Variants in XYLT1 observed in about 807,000 individuals in gnomAD.
The protein encoded by XYLT1 is xylosyltransferase 1, also known as beta-D-xylosyltransferase 1.
Under a neutral mutation model 91.3 loss-of-function variants are expected in XYLT1, and 36 were observed. That is an observed-to-expected ratio of 0.39 (90% CI 0.30 to 0.52). The LOEUF is 0.52. Ranked by LOEUF, XYLT1 falls within the 20% of genes least tolerant of loss-of-function variation. The pLI is 0.68. For synonymous variants in XYLT1, 588 were observed against 532.0 expected, an observed-to-expected ratio of 1.11 and a Z score of -1.45; for missense variants, 1,242 against 1,284.5, an observed-to-expected ratio of 0.97 and a Z score of 0.51.
intron 1 of XYLT1, among the ~76,000 whole-genome samples, chr16:17,403,660 C>A (rs904104594): frequency 6.6e-6 from 1 of 152,184 alleles, no homozygotes; most frequent in African/African-American, 2.4e-5. Flanking sequence ...CCTCCCACAA[C>A]ACGTGGGGGA....
intron 3 of XYLT1, among the ~76,000 whole-genome samples, chr16:17,220,329 A>G (rs1006719089): frequency 6.6e-6 from 1 of 152,094 alleles, no homozygotes. Context: ...AAAAAATATG[A>G]GCACAATTGA....
intron 6 of XYLT1, among the ~76,000 whole-genome samples, chr16:17,157,462 C>T (rs1477883272): frequency 6.6e-6 from 1 of 152,154 alleles, no homozygotes; most frequent in African/African-American, 2.4e-5. Context: ...ACCTAAGATC[C>T]AGGAAATAAC....
chr16:17,137,780 C>A (rs73531323), intron 8 of XYLT1, among the ~76,000 whole-genome samples: 1,864 of 151,862 alleles, frequency 0.012, 38 homozygotes, highest in African/African-American at 0.042. Context: ...GTTTCCAAAC[C>A]TGGCTGCTCC....
At position 17,380,155 on chromosome 16, in the gene XYLT1, G is replaced by A. The variant is rs2035661138; in HGVS notation, c.364-22105C>T. Reference sequence around the variant, plus strand: ...ACACAAAAATTAGCTAGGCATGGTGGTGCACACCTGTAATCCCAGCTATTC... The same window carrying A: ...ACACAAAAATTAGCTAGGCATGGTGATGCACACCTGTAATCCCAGCTATTC... On this transcript the variant is annotated intron_variant, in intron 1 of 11. Coordinates refer to ENST00000261381, the MANE Select transcript of XYLT1 (RefSeq NM_022166.4). 3.3e-5 allele frequency among the ~76,000 whole-genome samples: 5 copies of A among 152,206 alleles called. No homozygotes were observed. In the South Asian group the frequency reaches 1.0e-3, roughly 32 times the overall value.
intron 3 of XYLT1, among the ~76,000 whole-genome samples, chr16:17,240,904 T>C (rs962575081): frequency 6.6e-6 from 1 of 152,174 alleles, no homozygotes; most frequent in Non-Finnish European, 1.5e-5. Context: ...TAGCTGTTGG[T>C]AGACCCAGGA....
chr16:17,162,225 T>G (rs2031572373), intron 5 of XYLT1, among the ~76,000 whole-genome samples: 1 of 151,830 alleles, frequency 6.6e-6, no homozygotes, highest in African/African-American at 2.4e-5. Context: ...CCGGCCAACA[T>G]GATGAAACCC....
chr16:17,102,068 A>G lies in XYLT1; in HGVS notation c.*6627T>C, dbSNP rs185013198. 4 of 152,336 alleles carry G rather than the reference A, an allele frequency of 2.6e-5. No homozygotes were observed. The highest frequency in any genetic ancestry group is 9.6e-5 in the African/African-American group (4 of 41,572). The allele number at this position is 152,336 out of a possible 1,614,324, so 9.4% of individuals were successfully genotyped here. ...GAGGTACTTATAGGAGGTTGTTGCT[A>G]TAATCCAGTTAGAAGATGACAGCAG... On this transcript the variant is annotated 3_prime_UTR_variant, in exon 12 of 12. Coordinates refer to ENST00000261381, the MANE Select transcript of XYLT1 (RefSeq NM_022166.4).
At chr16:17,177,499 T>C (rs1379920208) in intron 5 of XYLT1, among the ~76,000 whole-genome samples, 3 of 152,252 alleles carry the variant, frequency 2.0e-5, no homozygotes, top group Non-Finnish European at 4.4e-5. Context: ...TTAATGGTTC[T>C]ATTGGTGTCT....
In XYLT1 at chr16:17,187,791, T is replaced by A. The variant is rs190388714; in HGVS notation, c.1289+10421A>T. Among the ~76,000 whole-genome samples the A allele has an allele frequency of 3.6e-3, 539 of 150,910 alleles. 5 individuals are homozygous for A. Among genetic ancestry groups the A allele is most frequent in the African/African-American group, 0.013 (522 of 41,134 alleles). On this transcript the variant is annotated intron_variant, in intron 5 of 11. Coordinates refer to ENST00000261381, the MANE Select transcript of XYLT1 (RefSeq NM_022166.4). The stretch of plus-strand genomic sequence containing the variant: ...TCATTCTCACCATATTTTATCACTT[T>A]AAAAAAAAAGAACAAAAGACAAAGA...
rs1304691199 is a variant in XYLT1, at chr16:17,134,867, CTCTGTGTTCTCAGTTTCAACA to C, written c.1765-153_1765-133del. 5.7e-6 allele frequency: 6 copies of C among 1,051,526 alleles called. No homozygotes were observed. The Admixed American group carries it at 9.2e-5, about 16-fold the overall frequency. The allele number at this position is 1,051,526 out of a possible 1,614,324, so 65.1% of individuals were successfully genotyped here. The stretch of plus-strand genomic sequence containing the variant: ...GAATTAGCTCCGATACTTTTTGCAC[CTCTGTGTTCTCAGTTTCAACA>C]TCTGTAAAATGGGTTATAATAAGGG... On this transcript the variant is annotated intron_variant, in intron 8 of 11. Transcript: ENST00000261381.
At chr16:17,329,744 T>G (rs2034867617) in intron 2 of XYLT1, among the ~76,000 whole-genome samples, 1 of 150,046 alleles carries the variant, frequency 6.7e-6, no homozygotes, top group Non-Finnish European at 1.5e-5. Context: ...CATGCCCACT[T>G]GGAAATCTAC....
At chr16:17,423,095 A>G (rs572410045) in intron 1 of XYLT1, among the ~76,000 whole-genome samples, 1 of 151,982 alleles carries the variant, frequency 6.6e-6, no homozygotes, top group African/African-American at 2.4e-5. Context: ...CAATGTGATT[A>G]TCGTTGCCAG....
intron 10 of XYLT1, among the ~76,000 whole-genome samples, chr16:17,118,732 C>G (rs2029946024): frequency 1.3e-5 from 2 of 152,112 alleles, no homozygotes; most frequent in Non-Finnish European, 2.9e-5. Context: ...GTAAAATGTC[C>G]TCTTACTGCT....
intron 2 of XYLT1, among the ~76,000 whole-genome samples, chr16:17,307,500 T>A (rs983319068): frequency 4.6e-5 from 7 of 152,254 alleles, no homozygotes; most frequent in Non-Finnish European, 8.8e-5. Context: ...TTAAATCAAA[T>A]GTGCTTGGGT....
chr16:17,222,146 A>G (rs1208434406), intron 3 of XYLT1, among the ~76,000 whole-genome samples: 1 of 152,196 alleles, frequency 6.6e-6, no homozygotes, highest in East Asian at 1.9e-4. Context: ...CGACCCAGAT[A>G]CCTGGGAGTT....
intron 8 of XYLT1, 124 bp downstream of exon 8, chr16:17,138,231 A>G: frequency 2.7e-6 from 2 of 731,802 alleles, no homozygotes; most frequent in Non-Finnish European, 1.9e-6. Flanking sequence ...ACTATTATTA[A>G]TTATCAACAG....
intron 2 of XYLT1, among the ~76,000 whole-genome samples, chr16:17,290,967 C>T (rs1231804919): frequency 1.3e-5 from 2 of 152,208 alleles, no homozygotes; most frequent in Non-Finnish European, 2.9e-5. Flanking sequence ...GAGACACGGT[C>T]TCTGTCACCC....
intron 2 of XYLT1, among the ~76,000 whole-genome samples, chr16:17,306,789 A>T (rs898126025): frequency 1.3e-5 from 2 of 152,152 alleles, no homozygotes; most frequent in Non-Finnish European, 2.9e-5. Flanking sequence ...TCCCCTTGGG[A>T]ATTTTGAGTT....
At chr16:17,220,954 T>C (rs114370023) in intron 3 of XYLT1, among the ~76,000 whole-genome samples, 253 of 152,270 alleles carry the variant, frequency 1.7e-3, no homozygotes, top group African/African-American at 5.1e-3. Context: ...TGTGGAAAGA[T>C]TGGCTTTCTG....
Sources: gnomAD v4.1 joint callset for allele counts (sites outside exome capture counted in the v4.1 genomes callset) on GRCh38, gnomAD v4.1.1 for gene constraint, MANE v1.5 for transcripts, NCBI Gene and HGNC (gene_info 2026-07-23, HGNC 2026-07-21) for gene names.